Variants in SORCS1 observed in about 807,000 individuals in gnomAD.
The protein encoded by SORCS1 is sortilin related VPS10 domain containing receptor 1, also known as VPS10 domain-containing receptor SorCS1.
A neutral mutation model predicts 146.1 loss-of-function variants in SORCS1; 60 were observed. The ratio of observed to expected loss-of-function variants is 0.41; its 90% CI spans 0.33 to 0.51. The LOEUF is 0.51. SORCS1 is among the 20% of genes least tolerant of loss of function. The pLI, the probability that SORCS1 is intolerant of heterozygous loss-of-function variation, is 0.21. For synonymous variants in SORCS1, 637 were observed against 584.0 expected, an observed-to-expected ratio of 1.09 and a Z score of -1.31; for missense variants, 1,352 against 1,487.6, an observed-to-expected ratio of 0.91 and a Z score of 1.50.
chr10:106,732,770 C>A (rs1160739883), intron 5 of SORCS1, among the ~76,000 whole-genome samples: 1 of 152,164 alleles, frequency 6.6e-6, no homozygotes, highest in Admixed American at 6.5e-5. Flanking sequence ...CTTGTATTAT[C>A]TTTAATGGCA....
intron 1 of SORCS1, among the ~76,000 whole-genome samples, chr10:107,113,418 G>A (rs1025378525): frequency 6.6e-6 from 1 of 152,148 alleles, no homozygotes; most frequent in African/African-American, 2.4e-5. Context: ...GCCAGGCGCG[G>A]TGCCTTGCAT....
At chr10:106,825,944 T>C (rs180848327) in intron 3 of SORCS1, among the ~76,000 whole-genome samples, 2 of 152,326 alleles carry the variant, frequency 1.3e-5, no homozygotes, top group East Asian at 3.9e-4. Context: ...CACTGACATA[T>C]GTTGAGATTA....
chr10:106,894,238 T>C (rs1179073025), intron 2 of SORCS1, among the ~76,000 whole-genome samples: 11 of 147,008 alleles, frequency 7.5e-5, no homozygotes, highest in Admixed American at 4.1e-4. Context: ...CATGTGTGCA[T>C]GTGTGTGTGT....
At chr10:106,607,539 T>C (rs1264533815) in intron 22 of SORCS1, among the ~76,000 whole-genome samples, 2 of 152,204 alleles carry the variant, frequency 1.3e-5, no homozygotes, top group Admixed American at 1.3e-4. Context: ...TTAAGCTCAT[T>C]GCTTGTGTTC....
chr10:106,711,967 G>A (rs958555550), intron 6 of SORCS1, among the ~76,000 whole-genome samples: 3 of 152,204 alleles, frequency 2.0e-5, no homozygotes, highest in African/African-American at 7.2e-5. Flanking sequence ...AACTGGGCTT[G>A]AATTCTGGTG....
At chr10:106,842,374 C>T (rs1949088049) in intron 2 of SORCS1, among the ~76,000 whole-genome samples, 1 of 152,074 alleles carries the variant, frequency 6.6e-6, no homozygotes, top group Non-Finnish European at 1.5e-5. Flanking sequence ...GCTGGGACTA[C>T]CCTTGTGCAC....
chr10:107,076,454 A>G (rs931120655), intron 1 of SORCS1, among the ~76,000 whole-genome samples: 2 of 152,190 alleles, frequency 1.3e-5, no homozygotes, highest in Non-Finnish European at 2.9e-5. Context: ...AACTGTATGC[A>G]CAATACACCA....
rs184980590 is a variant in SORCS1, at chr10:106,644,524, G to A, written c.2475+7858C>T. On this transcript the variant is annotated intron_variant, in intron 18 of 25. Transcript: ENST00000263054. Reference sequence around the variant, plus strand: ...TGGGATTACAGGTGCCCACCACCACGCCCAGCTAATTTCTGTATTTTTAGT... The same window carrying A: ...TGGGATTACAGGTGCCCACCACCACACCCAGCTAATTTCTGTATTTTTAGT... 9.0e-4 allele frequency among the ~76,000 whole-genome samples: 137 copies of A among 151,968 alleles called. No homozygotes were observed. In the East Asian group the frequency reaches 0.025, roughly 28 times the overall value.
chr10:106,690,546 T>C (rs1428074965), intron 9 of SORCS1, among the ~76,000 whole-genome samples: 2 of 152,228 alleles, frequency 1.3e-5, no homozygotes, highest in African/African-American at 4.8e-5. Flanking sequence ...CCCCGACTGC[T>C]TGGCATTATC....
At chr10:106,684,063 C>T (rs367811364) in intron 10 of SORCS1, among the ~76,000 whole-genome samples, 16 of 152,272 alleles carry the variant, frequency 1.1e-4, no homozygotes, top group East Asian at 3.9e-4. Context: ...AGGCCGGGCA[C>T]GGTGGCTCAT....
upstream of SORCS1, among the ~76,000 whole-genome samples, chr10:107,164,798 G>A (rs1011707736): frequency 6.7e-6 from 1 of 148,304 alleles, no homozygotes; most frequent in African/African-American, 2.4e-5. This position sits in a 1 kb window ranked among gnomAD's most constrained non-coding sequence, Gnocchi z 6.8. Context: ...GCGCTGGCGG[G>A]CGACGCGGGA....
At chr10:106,989,330 C>T (rs905163309) in intron 1 of SORCS1, among the ~76,000 whole-genome samples, 2 of 148,960 alleles carry the variant, frequency 1.3e-5, no homozygotes, top group African/African-American at 5.0e-5. Flanking sequence ...AAATTTCCTT[C>T]GAGGCTGTCT....
chr10:107,040,073 T>C (rs1056847404), intron 1 of SORCS1, among the ~76,000 whole-genome samples: 1 of 152,056 alleles, frequency 6.6e-6, no homozygotes, highest in Admixed American at 6.5e-5. Context: ...TAAAAATAAA[T>C]AAGTAACCAC....
At chr10:106,948,722 G>A (rs923378915) in intron 2 of SORCS1, among the ~76,000 whole-genome samples, 2 of 152,048 alleles carry the variant, frequency 1.3e-5, no homozygotes, top group African/African-American at 4.8e-5. Flanking sequence ...CACTTTGGGA[G>A]GCTGAGACAG....
chr10:106,629,237 CCCAGA>C lies in SORCS1; in HGVS notation c.2622_2626del (p.Ser874ArgfsTer3). 1 of 1,614,018 alleles carries C rather than the reference CCCAGA, an allele frequency of 6.2e-7. No homozygotes were observed. Among genetic ancestry groups the C allele is most frequent in the Non-Finnish European group, 8.5e-7 (1 of 1,179,952 alleles). The stretch of plus-strand genomic sequence containing the variant: ...TAAGTACAGGACGGCGCTGTCAGAA[CCCAGA>C]CTGTTGTCCACCTGCACGGTCACAC... On this transcript the variant is annotated frameshift_variant, in exon 19 of 26. Coordinates refer to ENST00000263054, the MANE Select transcript of SORCS1 (RefSeq NM_052918.5). LOFTEE classifies it high-confidence loss of function.
At chr10:106,599,302 A>G (rs1846091038) in intron 23 of SORCS1, among the ~76,000 whole-genome samples, 1 of 151,684 alleles carries the variant, frequency 6.6e-6, no homozygotes, top group African/African-American at 2.4e-5. Context: ...CAGAAGGCAG[A>G]CGTTGCAGTG....
intron 1 of SORCS1, among the ~76,000 whole-genome samples, chr10:106,961,800 T>C (rs1256068578): frequency 6.6e-6 from 1 of 152,170 alleles, no homozygotes; most frequent in Non-Finnish European, 1.5e-5. Flanking sequence ...CCCCATAATT[T>C]GCAAGTTATT....
chr10:106,741,005 C>T (rs1020996883), intron 5 of SORCS1, among the ~76,000 whole-genome samples: 3 of 152,070 alleles, frequency 2.0e-5, no homozygotes, highest in South Asian at 2.1e-4. Flanking sequence ...AGGTAAAAGA[C>T]GAAATACGTG....
chr10:106,794,507 T>C (rs996463965), intron 3 of SORCS1, among the ~76,000 whole-genome samples: 18 of 147,710 alleles, frequency 1.2e-4, no homozygotes, highest in East Asian at 3.9e-4. Flanking sequence ...TTTTCTTTTT[T>C]TTTTTTTTTT....
Sources: allele counts gnomAD v4.1 joint callset (sites outside exome capture counted in the v4.1 genomes callset), GRCh38; gene constraint gnomAD v4.1.1; non-coding constraint Gnocchi (gnomAD v3.1); transcripts MANE v1.5; gene names NCBI Gene and HGNC (gene_info 2026-07-23, HGNC 2026-07-21).